The following TRPM3 variants were observed in gnomAD, a reference collection of about 807,000 sequenced individuals.
TRPM3 encodes the protein long transient receptor potential channel 3.
A neutral mutation model predicts 181.2 loss-of-function variants in TRPM3; 77 were observed. That is an observed-to-expected ratio of 0.42 (90% CI 0.35 to 0.51). TRPM3 has a LOEUF of 0.51. Ranked by LOEUF, TRPM3 falls within the 20% of genes least tolerant of loss-of-function variation. TRPM3 has a pLI of 0.01. For missense variants in TRPM3, 1,759 were observed against 2,196.7 expected (o/e 0.80, Z 3.98); for synonymous variants, 745 against 796.4 (o/e 0.94, Z 1.09).
intron 7 of TRPM3, among the ~76,000 whole-genome samples, chr9:70,764,200 T>A (rs1311577925): frequency 6.6e-6 from 1 of 152,194 alleles, no homozygotes. Flanking sequence ...CCAATTAATT[T>A]TCTTGAAAAG....
Position 70,641,109 on chromosome 9 carries a change from C to T in TRPM3, c.1346-449G>A, listed in dbSNP as rs1342525525. Reference sequence around the variant, plus strand: ...ATGTCTCCAGACATTGCCAAATGCCCCCATGTGTGAAGGGAGGCAAAACTG... The same window carrying T: ...ATGTCTCCAGACATTGCCAAATGCCTCCATGTGTGAAGGGAGGCAAAACTG... On this transcript the variant is annotated intron_variant, in intron 9 of 25. Transcript: ENST00000677713. Among the ~76,000 whole-genome samples the T allele has an allele frequency of 2.0e-5, 3 of 152,100 alleles. No homozygotes were observed. In the East Asian group the frequency reaches 5.8e-4, roughly 29 times the overall value.
chr9:70,848,647 C>T (rs914789883), intron 3 of TRPM3, among the ~76,000 whole-genome samples: 2 of 152,178 alleles, frequency 1.3e-5, no homozygotes, highest in Non-Finnish European at 2.9e-5. Flanking sequence ...TCAACAGCAA[C>T]AATAGACACC....
At chr9:70,889,366 T>A (rs907183439) in intron 1 of TRPM3, among the ~76,000 whole-genome samples, 3 of 152,150 alleles carry the variant, frequency 2.0e-5, no homozygotes, top group Non-Finnish European at 4.4e-5. Flanking sequence ...GGCACCAGGA[T>A]GAAAGCAAAA....
chr9:70,882,238 G>A (rs1250656736), intron 1 of TRPM3, among the ~76,000 whole-genome samples: 2 of 152,120 alleles, frequency 1.3e-5, no homozygotes, highest in African/African-American at 2.4e-5. Flanking sequence ...CATGCCTATG[G>A]TGTCATTGCA....
intron 1 of TRPM3, among the ~76,000 whole-genome samples, chr9:71,277,649 T>C (rs2084327111): frequency 6.6e-6 from 1 of 152,180 alleles, no homozygotes; most frequent in South Asian, 2.1e-4. Context: ...CCTGATCATG[T>C]AAAATGCAGA....
chr9:71,115,325 C>T (rs575422929), intron 1 of TRPM3, among the ~76,000 whole-genome samples: 6 of 152,244 alleles, frequency 3.9e-5, no homozygotes, highest in Admixed American at 2.6e-4. Flanking sequence ...TCAACACCTC[C>T]GAGAGTGGGC....
intron 6 of TRPM3, among the ~76,000 whole-genome samples, chr9:70,820,366 G>A (rs1024264848): frequency 6.6e-6 from 1 of 152,104 alleles, no homozygotes; most frequent in African/African-American, 2.4e-5. Context: ...GTTATGATTT[G>A]TTATAGGACT....
At chr9:71,105,814 C>T (rs1166080788) in intron 1 of TRPM3, among the ~76,000 whole-genome samples, 2 of 152,152 alleles carry the variant, frequency 1.3e-5, no homozygotes, top group African/African-American at 4.8e-5. Context: ...TACACACACA[C>T]ATACAATACA....
At chr9:70,818,094 C>T (rs2092859845) in intron 6 of TRPM3, among the ~76,000 whole-genome samples, 2 of 152,020 alleles carry the variant, frequency 1.3e-5, no homozygotes, top group African/African-American at 2.4e-5. Flanking sequence ...CAGTGGTGCT[C>T]GCTAGATAAC....
intron 22 of TRPM3, among the ~76,000 whole-genome samples, chr9:70,554,322 A>T (rs2047153584): frequency 6.6e-6 from 1 of 152,142 alleles, no homozygotes; most frequent in African/African-American, 2.4e-5. Flanking sequence ...AAGGCTCTTT[A>T]CATCTACCTG....
At chr9:71,303,692 T>C (rs567551898) in intron 1 of TRPM3, among the ~76,000 whole-genome samples, 17 of 152,258 alleles carry the variant, frequency 1.1e-4, no homozygotes, top group African/African-American at 3.8e-4. Flanking sequence ...TTAAATCTAA[T>C]AGCCTAGCTT....
chr9:71,400,842 T>C (rs1439219490), intron 1 of TRPM3, among the ~76,000 whole-genome samples: 2 of 151,998 alleles, frequency 1.3e-5, no homozygotes, highest in African/African-American at 4.8e-5. Flanking sequence ...AAAACAACTT[T>C]ATAAAAATAC....
chr9:71,438,548 A>T (rs904005049), intron 1 of TRPM3, among the ~76,000 whole-genome samples: 6 of 151,978 alleles, frequency 3.9e-5, no homozygotes, highest in African/African-American at 1.5e-4. Context: ...TGGCGCATGC[A>T]TGTAGTCCCA....
At chr9:71,183,761 T>G (rs1417603035) in intron 1 of TRPM3, among the ~76,000 whole-genome samples, 1 of 152,068 alleles carries the variant, frequency 6.6e-6, no homozygotes, top group East Asian at 1.9e-4. Context: ...GGTGGGATCA[T>G]TTTCTCATTT....
At chr9:71,010,419 C>A (rs766661596) in intron 1 of TRPM3, among the ~76,000 whole-genome samples, 4 of 151,838 alleles carry the variant, frequency 2.6e-5, no homozygotes, top group African/African-American at 4.8e-5. Context: ...ACAACAACAA[C>A]AAAAAACTCC....
chr9:71,312,639 T>C (rs576618590), intron 1 of TRPM3, among the ~76,000 whole-genome samples: 1 of 152,190 alleles, frequency 6.6e-6, no homozygotes, highest in Admixed American at 6.6e-5. Flanking sequence ...TTGCCAAAAC[T>C]AGGAAGTAAA....
At chr9:70,741,322 G>A (rs1299107180) in intron 8 of TRPM3, among the ~76,000 whole-genome samples, 1 of 152,152 alleles carries the variant, frequency 6.6e-6, no homozygotes, top group Admixed American at 6.6e-5. Context: ...GATTTTGACA[G>A]GGATGTGGTG....
At chr9:71,270,915 C>T (rs2132126348) in intron 1 of TRPM3, among the ~76,000 whole-genome samples, 1 of 152,278 alleles carries the variant, frequency 6.6e-6, no homozygotes, top group East Asian at 1.9e-4. Flanking sequence ...AGAGCTGAGG[C>T]TTCTTGCCAA....
At chr9:70,585,366 A>G (rs1024878189) in intron 22 of TRPM3, among the ~76,000 whole-genome samples, 3 of 151,736 alleles carry the variant, frequency 2.0e-5, no homozygotes, top group African/African-American at 7.3e-5. Flanking sequence ...AAGCTCACCC[A>G]TCATGGCATT....
Sources: gnomAD v4.1 joint callset for allele counts (sites outside exome capture counted in the v4.1 genomes callset) on GRCh38, gnomAD v4.1.1 for gene constraint, MANE v1.5 for transcripts, NCBI Gene and HGNC (gene_info 2026-07-23, HGNC 2026-07-21) for gene names.